The following MRPS21 variants were observed in gnomAD, a reference collection of about 807,000 sequenced individuals.
The protein encoded by MRPS21 is mitochondrial ribosomal protein S21.
MRPS21 carries 8 observed loss-of-function variants against 9.9 expected under a neutral mutation model. The ratio of observed to expected loss-of-function variants is 0.81; its 90% CI spans 0.47 to 1.45. MRPS21 has a LOEUF of 1.45. Ranked by LOEUF, MRPS21 falls within the 40% of genes most tolerant of loss-of-function variation. The pLI, the probability that MRPS21 is intolerant of heterozygous loss-of-function variation, is 0.00. For synonymous variants in MRPS21, 40 were observed against 40.3 expected, an observed-to-expected ratio of 0.99 and a Z score of 0.03; for missense variants, 101 against 118.9, an observed-to-expected ratio of 0.85 and a Z score of 0.70.
At position 150,307,348 on chromosome 1, in the gene MRPS21, C is replaced by CTTTTTTTTTTTTTTTTTTTTTTTTTT. The variant is rs1572154026; in HGVS notation, c.84-678_84-677insTTTTTTTTTTTTTTTTTTTTTTTTTT. 2.3e-5 allele frequency among the ~76,000 whole-genome samples: 2 copies of CTTTTTTTTTTTTTTTTTTTTTTTTTT among 87,552 alleles called. 1 individual carries two copies. The highest frequency in any genetic ancestry group is 4.4e-5 in the Non-Finnish European group (2 of 45,770). 57.4% of individuals were successfully genotyped at this position (87,552 alleles called of 152,430 possible). ...CAGGCATGAGTCACTGTGCCCAGTCCTTTTTTTTTTTTTTTTTTTTTTCCT... is the reference window on the plus strand; with the variant it reads ...CAGGCATGAGTCACTGTGCCCAGTCCTTTTTTTTTTTTTTTTTTTTTTTTTTTTTTTTTTTTTTTTTTTTTTTTCCT... On this transcript the variant is annotated intron_variant, in intron 2 of 2. Transcript: ENST00000614145.
intron 2 of MRPS21, 74 bp downstream of exon 2, chr1:150,294,523 C>A: frequency 3.1e-6 from 4 of 1,273,632 alleles, no homozygotes; most frequent in Admixed American, 3.7e-5. Flanking sequence ...CTTCCCCTTT[C>A]GTTGATTGTT....
intron 1 of MRPS21, 163 bp from the exon 2 acceptor site, chr1:150,294,172 G>A: frequency 3.7e-6 from 2 of 547,326 alleles, no homozygotes; most frequent in East Asian, 6.5e-5. Flanking sequence ...GAGAATAAGA[G>A]ACAACGATTC....
intron 2 of MRPS21, 52 bp downstream of exon 2, chr1:150,294,501 G>A (rs782478274): frequency 6.9e-7 from 1 of 1,457,518 alleles, no homozygotes; most frequent in Non-Finnish European, 9.6e-7. Flanking sequence ...AAGTGCGGTG[G>A]TTATTCTCTC....
chr1:150,300,052 T>A (rs1178581432), intron 2 of MRPS21, among the ~76,000 whole-genome samples: 3 of 152,076 alleles, frequency 2.0e-5, no homozygotes, highest in Admixed American at 6.6e-5. Context: ...AATAGACTTG[T>A]AGCCTCCTGG....
intron 2 of MRPS21, among the ~76,000 whole-genome samples, chr1:150,305,379 A>G (rs897921242): frequency 2.6e-5 from 4 of 152,150 alleles, no homozygotes; most frequent in Non-Finnish European, 4.4e-5. Flanking sequence ...TGACTACTGC[A>G]TGCCAAAGTT....
intron 2 of MRPS21, among the ~76,000 whole-genome samples, chr1:150,303,427 C>T (rs1260068903): frequency 6.6e-6 from 1 of 152,166 alleles, no homozygotes; most frequent in Non-Finnish European, 1.5e-5. Context: ...TTAGATCATT[C>T]TTTTATCCAA....
Position 150,307,390 on chromosome 1 carries a change from C to T in MRPS21, c.84-658C>T, listed in dbSNP as rs1654381301. On this transcript the variant is annotated intron_variant, in intron 2 of 2. Coordinates refer to ENST00000614145, the MANE Select transcript of MRPS21 (RefSeq NM_031901.6). ...TTTTTTCCTTTGAGTCAAGGTGTCA[C>T]TCTGTTGTCCAGGCTGGAATGCAGT... Among the ~76,000 whole-genome samples, 3 of 126,210 alleles carry T rather than the reference C, an allele frequency of 2.4e-5. No homozygotes were observed. In the Admixed American group the frequency reaches 2.7e-4, roughly 11 times the overall value. 82.8% of individuals were successfully genotyped at this position (126,210 alleles called of 152,430 possible). A position where few individuals can be genotyped will look rare whatever the true frequency, so the allele number is the denominator to read the frequency against.
At chr1:150,296,133 G>A (rs1420096407) in intron 2 of MRPS21, among the ~76,000 whole-genome samples, 2 of 152,054 alleles carry the variant, frequency 1.3e-5, no homozygotes, top group Admixed American at 1.3e-4. Context: ...TGTATTTTTA[G>A]TAGAGAGGGT....
chr1:150,295,737 G>A (rs1327904397), intron 2 of MRPS21, among the ~76,000 whole-genome samples: 2 of 151,756 alleles, frequency 1.3e-5, no homozygotes, highest in African/African-American at 4.8e-5. Flanking sequence ...AAGAGTTCAA[G>A]ACCAATCTGG....
chr1:150,303,747 A>G (rs1654225084), intron 2 of MRPS21: 1 of 299,780 alleles, frequency 3.3e-6, no homozygotes, highest in African/African-American at 2.2e-5. Context: ...AATGCTATCT[A>G]AACTCTAATA....
chr1:150,300,952 CT>C (rs1553857562), intron 2 of MRPS21, among the ~76,000 whole-genome samples: 1 of 151,970 alleles, frequency 6.6e-6, no homozygotes. Flanking sequence ...AAGCTCAGCA[CT>C]TTGGGAGGCC....
intron 2 of MRPS21, among the ~76,000 whole-genome samples, chr1:150,295,378 T>G (rs11205357): frequency 6.6e-6 from 1 of 151,942 alleles, no homozygotes; most frequent in Non-Finnish European, 1.5e-5. Context: ...CTGGGTCTAG[T>G]GACGCACGCC....
rs1461548782 is a variant in MRPS21 at position 150,294,345 on chromosome 1, G to C, written c.-22G>C. 6.2e-7 allele frequency: 1 copy of C among 1,601,164 alleles called. No individual in the cohort carries two copies. Among genetic ancestry groups the C allele is most frequent in the African/African-American group, 1.3e-5 (1 of 74,610 alleles). Reference sequence around the variant, plus strand: ...TCCATCATCCTTTAGGCTCTACAGAGTGAAGGTTTAAATCCAAGGTCATGG... The same window carrying C: ...TCCATCATCCTTTAGGCTCTACAGACTGAAGGTTTAAATCCAAGGTCATGG... On this transcript the variant is annotated 5_prime_UTR_variant, in exon 2 of 3. Transcript: ENST00000614145.
In MRPS21 at chr1:150,308,331, T is replaced by C; in HGVS notation, c.*103T>C. 1 of 1,209,814 alleles carries C rather than the reference T, an allele frequency of 8.3e-7. No homozygotes were observed. 74.9% of individuals were successfully genotyped at this position (1,209,814 alleles called of 1,614,324 possible). On this transcript the variant is annotated 3_prime_UTR_variant, in exon 3 of 3. Coordinates refer to ENST00000614145, the MANE Select transcript of MRPS21 (RefSeq NM_031901.6). ...CCTATTACCATTCTCTGCAATAAAC[T>C]CAAATCACATGTCTGCAAGAAGGCC...
At chr1:150,294,634 C>A (rs587729375) in intron 2 of MRPS21, among the ~76,000 whole-genome samples, 185 bp downstream of exon 2, 5 of 152,076 alleles carry the variant, frequency 3.3e-5, no homozygotes, top group South Asian at 4.1e-4. Flanking sequence ...CGCGGTGGCT[C>A]ACGCCTGTAA....
At chr1:150,306,392 C>T (rs7542510) in intron 2 of MRPS21, among the ~76,000 whole-genome samples, 32,678 of 151,834 alleles carry the variant, frequency 0.22, 3,929 homozygotes, top group African/African-American at 0.29. Context: ...TCTCCTGCCT[C>T]AGCCTACTGA....
intron 2 of MRPS21, among the ~76,000 whole-genome samples, chr1:150,300,881 T>A (rs1418240040): frequency 5.9e-5 from 9 of 152,094 alleles, no homozygotes; most frequent in African/African-American, 2.2e-4. Context: ...CTTTTCTTTT[T>A]AAGAAAGAAG....
intron 2 of MRPS21, among the ~76,000 whole-genome samples, chr1:150,295,841 A>G (rs892095157): frequency 2.0e-5 from 3 of 152,182 alleles, no homozygotes; most frequent in Non-Finnish European, 4.4e-5. Flanking sequence ...AAGATACAGC[A>G]TAAGGAAAAA....
At chr1:150,300,774 C>T (rs1416976778) in intron 2 of MRPS21, among the ~76,000 whole-genome samples, 1 of 152,128 alleles carries the variant, frequency 6.6e-6, no homozygotes, top group Non-Finnish European at 1.5e-5. Flanking sequence ...GGTTAAGAAG[C>T]ACAGTATTAC....
Sources: gnomAD v4.1 joint callset for allele counts (sites outside exome capture counted in the v4.1 genomes callset) on GRCh38, gnomAD v4.1.1 for gene constraint, MANE v1.5 for transcripts, NCBI Gene and HGNC (gene_info 2026-07-23, HGNC 2026-07-21) for gene names.